Variants in TCF12 observed in about 807,000 individuals in gnomAD.
The protein encoded by TCF12 is transcription factor 12.
A neutral mutation model predicts 86.0 loss-of-function variants in TCF12; 45 were observed. The ratio of observed to expected loss-of-function variants is 0.52; its 90% confidence interval spans 0.41 to 0.67. TCF12 has a LOEUF of 0.67. TCF12 is among the 30% of genes least tolerant of loss of function. The pLI, the probability that TCF12 is intolerant of heterozygous loss-of-function variation, is 0.00. For synonymous variants in TCF12, 330 were observed against 299.6 expected (o/e 1.10, Z -1.05); for missense variants, 881 against 859.9 (o/e 1.02, Z -0.31).
chr15:57,103,696 A>G (rs910188392), intron 5 of TCF12, among the ~76,000 whole-genome samples: 1 of 152,244 alleles, frequency 6.6e-6, no homozygotes, highest in East Asian at 1.9e-4. Context: ...ACATCACCCA[A>G]TATGGGACTA....
At chr15:57,155,672 G>A (rs949338951) in intron 5 of TCF12, among the ~76,000 whole-genome samples, 7 of 152,150 alleles carry the variant, frequency 4.6e-5, no homozygotes, top group African/African-American at 1.7e-4. Flanking sequence ...GTGTGTGCCT[G>A]TAGTCCTAGC....
intron 4 of TCF12, among the ~76,000 whole-genome samples, chr15:57,088,318 A>G (rs1484986345): frequency 6.6e-6 from 1 of 152,150 alleles, no homozygotes; most frequent in African/African-American, 2.4e-5. Flanking sequence ...TTGCTCTATG[A>G]GCAGCCATGC....
intron 5 of TCF12, among the ~76,000 whole-genome samples, chr15:57,128,268 C>T (rs2051828383): frequency 6.6e-6 from 1 of 152,114 alleles, no homozygotes; most frequent in Non-Finnish European, 1.5e-5. Flanking sequence ...TGACGAGAAA[C>T]AGGTAGCTTT....
At chr15:57,238,574 C>T (rs1216985504) in intron 12 of TCF12, among the ~76,000 whole-genome samples, 1 of 152,150 alleles carries the variant, frequency 6.6e-6, no homozygotes, top group African/African-American at 2.4e-5. Context: ...AGCTCTTTTG[C>T]CCTTGGTATT....
At chr15:56,926,687 T>C (rs1473983396) in intron 3 of TCF12, among the ~76,000 whole-genome samples, 1 of 152,224 alleles carries the variant, frequency 6.6e-6, no homozygotes. Flanking sequence ...AGCTCATATT[T>C]ACATATTATT....
At chr15:57,005,290 T>G (rs529671804) in intron 3 of TCF12, among the ~76,000 whole-genome samples, 4 of 152,262 alleles carry the variant, frequency 2.6e-5, no homozygotes, top group African/African-American at 9.6e-5. Flanking sequence ...TCATGTACAT[T>G]TTTTTAATCT....
intron 3 of TCF12, among the ~76,000 whole-genome samples, chr15:56,970,921 G>T (rs1273113667): frequency 6.6e-6 from 1 of 152,066 alleles, no homozygotes; most frequent in African/African-American, 2.4e-5. Flanking sequence ...GGGCATGGCA[G>T]TCCACGCCTA....
rs2059884137 is a variant in TCF12, at chr15:56,923,564, A to G, written c.148+2466A>G. ...TTTCTTTCTGTAGGAGTGAAAGGTC[A>G]GGCACTCTAATTAGGGCAGTGTATA... On this transcript the variant is annotated intron_variant, in intron 3 of 20. Transcript: ENST00000333725. Among the ~76,000 whole-genome samples the G allele has an allele frequency of 5.9e-5, 9 of 152,136 alleles. No homozygotes were observed. In the South Asian group the frequency reaches 1.7e-3, roughly 28 times the overall value.
At chr15:56,965,337 A>G (rs2061954984) in intron 3 of TCF12, among the ~76,000 whole-genome samples, 1 of 152,146 alleles carries the variant, frequency 6.6e-6, no homozygotes, top group Non-Finnish European at 1.5e-5. Context: ...TTATTAGAAA[A>G]TATTGAAACA....
At chr15:57,039,736 G>C (rs1488629905) in intron 3 of TCF12, among the ~76,000 whole-genome samples, 1 of 152,014 alleles carries the variant, frequency 6.6e-6, no homozygotes, top group African/African-American at 2.4e-5. Flanking sequence ...TTGCAGACTG[G>C]CTTTTCAGGA....
chr15:56,994,821 T>C (rs1401925573), intron 3 of TCF12, among the ~76,000 whole-genome samples: 1 of 152,102 alleles, frequency 6.6e-6, no homozygotes, highest in Non-Finnish European at 1.5e-5. Flanking sequence ...TAAAAGATGT[T>C]CTTAAGACAA....
intron 3 of TCF12, among the ~76,000 whole-genome samples, chr15:57,058,959 C>G (rs1447396297): frequency 3.9e-5 from 6 of 152,122 alleles, no homozygotes; most frequent in African/African-American, 1.4e-4. Flanking sequence ...AATATCCTTA[C>G]TCTACAAATA....
rs140700681 is a variant in TCF12, at chr15:56,972,560, A to G, written c.148+51462A>G. ...ACTTGCTTAGGTAGTAAAGAAGCCA[A>G]GATAAGATAATATACATCTGTCTGC... is the stretch of plus-strand genomic sequence containing the variant. On this transcript the variant is annotated intron_variant, in intron 3 of 20. Transcript: ENST00000333725. 5.0e-3 allele frequency among the ~76,000 whole-genome samples: 755 copies of G among 152,332 alleles called. 10 individuals are homozygous for G. The highest frequency in any genetic ancestry group is 0.021 in the Admixed American group (326 of 15,302).
At chr15:57,217,219 C>T (rs1193202970) in intron 8 of TCF12, among the ~76,000 whole-genome samples, 2 of 152,090 alleles carry the variant, frequency 1.3e-5, no homozygotes, top group Non-Finnish European at 2.9e-5. Flanking sequence ...ATGTTTAACA[C>T]TAAATCTTAC....
intron 4 of TCF12, among the ~76,000 whole-genome samples, chr15:57,083,197 G>A (rs1478735401): frequency 1.3e-5 from 2 of 152,120 alleles, no homozygotes; most frequent in Non-Finnish European, 2.9e-5. Flanking sequence ...TAATTACATA[G>A]GGGTTTAAAC....
At chr15:56,939,410 A>C (rs548622871) in intron 3 of TCF12, among the ~76,000 whole-genome samples, 4 of 152,212 alleles carry the variant, frequency 2.6e-5, no homozygotes, top group African/African-American at 9.6e-5. Context: ...TTAACCCTAT[A>C]ATTAAAAAAA....
intron 5 of TCF12, among the ~76,000 whole-genome samples, chr15:57,093,699 G>A (rs536253510): frequency 1.3e-5 from 2 of 152,278 alleles, no homozygotes; most frequent in Admixed American, 1.3e-4. Context: ...TTACGAGCAT[G>A]TGCTTGTTGG....
chr15:57,223,656 T>TTTTTTTTTTGTG (rs2058725057), intron 8 of TCF12, among the ~76,000 whole-genome samples: 2 of 104,108 alleles, frequency 1.9e-5, no homozygotes, highest in African/African-American at 2.9e-5. Context: ...TTTTTTTTTT[T>TTTTTTTTTTGTG]TTTTTTTTTT....
intron 5 of TCF12, among the ~76,000 whole-genome samples, chr15:57,101,819 T>C (rs1161376000): frequency 1.3e-5 from 2 of 152,204 alleles, no homozygotes; most frequent in Non-Finnish European, 2.9e-5. Flanking sequence ...GGAGTGACAA[T>C]TAAATGGGAG....
Sources: gnomAD v4.1 joint callset for allele counts (sites outside exome capture counted in the v4.1 genomes callset) on GRCh38, gnomAD v4.1.1 for gene constraint, MANE v1.5 for transcripts, NCBI Gene and HGNC (gene_info 2026-07-23, HGNC 2026-07-21) for gene names.